The following SHC2 variants were observed in gnomAD, a reference collection of about 807,000 sequenced individuals.
SHC2 encodes SHC-transforming protein 2.
SHC2 carries 62 observed loss-of-function variants against 60.6 expected under a neutral mutation model. The ratio of observed to expected loss-of-function variants is 1.02; its 90% CI spans 0.83 to 1.26. The LOEUF (loss-of-function observed/expected upper bound fraction) is 1.26, where lower values mean the gene tolerates loss of function less well. SHC2 is among the 50% of genes most tolerant of loss of function. The pLI, the probability that SHC2 is intolerant of heterozygous loss-of-function variation, is 0.00. For synonymous variants in SHC2, 375 were observed against 372.4 expected (o/e 1.01, Z -0.08); for missense variants, 873 against 822.2 (o/e 1.06, Z -0.76).
At position 438,533 on chromosome 19, in the gene SHC2, G is replaced by A. The variant is rs894596582; in HGVS notation, c.720+185C>T. On this transcript the variant is annotated intron_variant, in intron 4 of 12. Coordinates refer to ENST00000264554, the MANE Select transcript of SHC2 (RefSeq NM_012435.3). The surrounding 1 kb of genome is among the most constrained non-coding windows in gnomAD (Gnocchi z 5.0). ...ATCAGGACGGCTCGCCCAGGTGGGA[G>A]CCCCTGAGCTGAGCCCCGTGAGGGC... 6.6e-6 allele frequency among the ~76,000 whole-genome samples: 1 copy of A among 152,194 alleles called. No homozygotes were observed. Among genetic ancestry groups the A allele is most frequent in the African/African-American group, 2.4e-5 (1 of 41,440 alleles).
At chr19:435,138 C>T (rs145410757) in intron 7 of SHC2, among the ~76,000 whole-genome samples, 1,685 of 152,374 alleles carry the variant, frequency 0.011, 18 homozygotes, top group African/African-American at 0.026. Context: ...TGCCCACCTC[C>T]GGCCCCGCCC....
Position 424,459 on chromosome 19 carries a change from A to G in SHC2, c.1309+638T>C, listed in dbSNP as rs1391090253. ...AACTCATCAGACTAGGGAGACCCAG[A>G]GTCAGCGTGCAAGACCAGCGGGCCA... is the stretch of plus-strand genomic sequence containing the variant. On this transcript the variant is annotated intron_variant, in intron 10 of 12. Transcript: ENST00000264554. This position sits in a 1 kb window ranked among gnomAD's most constrained non-coding sequence, Gnocchi z 4.5. 4.6e-5 allele frequency among the ~76,000 whole-genome samples: 7 copies of G among 152,120 alleles called. No homozygotes were observed. The highest frequency in any genetic ancestry group is 1.7e-4 in the African/African-American group (7 of 41,428).
At chr19:418,838 C>T in intron 12 of SHC2, 85 bp downstream of exon 12, 2 of 1,454,112 alleles carry the variant, frequency 1.4e-6, no homozygotes, top group Non-Finnish European at 1.8e-6. Context: ...AAAGGCACGG[C>T]ACGTGAACCG....
chr19:430,024 A>C (rs1974535360), intron 9 of SHC2, among the ~76,000 whole-genome samples: 1 of 146,652 alleles, frequency 6.8e-6, no homozygotes, highest in Non-Finnish European at 1.5e-5. Flanking sequence ...TGGATGACGC[A>C]GTACCTATAC....
chr19:426,602 C>T (rs1325773951), intron 9 of SHC2, among the ~76,000 whole-genome samples: 2 of 3,632 alleles, frequency 5.5e-4, no homozygotes, highest in Admixed American at 2.2e-3. Context: ...AGGACGACAC[C>T]GAGAGGGGCA....
intron 1 of SHC2, among the ~76,000 whole-genome samples, chr19:452,344 A>C (rs1214944328): frequency 2.8e-4 from 19 of 68,158 alleles, no homozygotes; most frequent in East Asian, 7.4e-4. Context: ...CGTTTCATTG[A>C]GGTTGGGGCA....
chr19:458,207 C>T lies in SHC2; in HGVS notation c.468+2322G>A, dbSNP rs1309298302. Among the ~76,000 whole-genome samples the T allele has an allele frequency of 7.8e-5, 8 of 102,480 alleles. 1 individual carries two copies. The highest frequency in any genetic ancestry group is 4.3e-4 in the Admixed American group (4 of 9,220). 67.2% of individuals were successfully genotyped at this position (102,480 alleles called of 152,430 possible). A position where few individuals can be genotyped will look rare whatever the true frequency, so the allele number is the denominator to read the frequency against. On this transcript the variant is annotated intron_variant, in intron 1 of 12. Transcript: ENST00000264554. ...TTCCGGGGGACGGGGAAGTGGGTTC[C>T]GGGGAGGCAGACGCGGGTTCCGGCG...
At chr19:421,397 C>CAAAAAAAA (rs10582067) in intron 11 of SHC2, among the ~76,000 whole-genome samples, 3 of 120,128 alleles carry the variant, frequency 2.5e-5, no homozygotes, top group African/African-American at 3.3e-5. Flanking sequence ...GAGACTCCAT[C>CAAAAAAAA]AAAAAAAAAA....
chr19:418,549 G>A (rs188910269), intron 12 of SHC2, among the ~76,000 whole-genome samples: 157 of 152,352 alleles, frequency 1.0e-3, no homozygotes, highest in East Asian at 4.0e-3. Flanking sequence ...GCTCTGGCCC[G>A]GGCCACGGCG....
chr19:420,494 A>G (rs1974242630), intron 11 of SHC2, among the ~76,000 whole-genome samples: 1 of 152,188 alleles, frequency 6.6e-6, no homozygotes, highest in African/African-American at 2.4e-5. Flanking sequence ...GGACGCTCAA[A>G]ACGCTTCATA....
chr19:454,261 T>A (rs1261608742), intron 1 of SHC2, among the ~76,000 whole-genome samples: 1 of 152,178 alleles, frequency 6.6e-6, no homozygotes, highest in Admixed American at 6.5e-5. Flanking sequence ...CACGGACGGT[T>A]CTGCTGGGCA....
chr19:447,361 C>T (rs573433903), intron 1 of SHC2, among the ~76,000 whole-genome samples: 56 of 152,336 alleles, frequency 3.7e-4, no homozygotes, highest in African/African-American at 1.2e-3. Context: ...TTTTGCCTGA[C>T]GGGAGCGTCC....
intron 12 of SHC2, among the ~76,000 whole-genome samples, chr19:417,926 C>T (rs1017188676): frequency 3.3e-5 from 5 of 152,106 alleles, no homozygotes; most frequent in Non-Finnish European, 7.4e-5. Flanking sequence ...TGACCTGGCC[C>T]AGAAGCGCAG....
chr19:426,567 C>T (rs1366071789), intron 9 of SHC2, among the ~76,000 whole-genome samples: 3 of 37,586 alleles, frequency 8.0e-5, no homozygotes, highest in Admixed American at 2.6e-4. Context: ...AGGACGACAC[C>T]GAGAGGGGCA....
intron 9 of SHC2, among the ~76,000 whole-genome samples, chr19:428,788 G>A (rs1974484342): frequency 7.0e-6 from 1 of 142,294 alleles, no homozygotes; most frequent in Non-Finnish European, 1.5e-5. Context: ...AATACTGTGT[G>A]GATGACACAG....
At chr19:450,554 T>A (rs1466183292) in intron 1 of SHC2, among the ~76,000 whole-genome samples, 1 of 152,180 alleles carries the variant, frequency 6.6e-6, no homozygotes, top group Non-Finnish European at 1.5e-5. Context: ...ATCTGATGGC[T>A]CTGGGGACCT....
rs1320885979 is a variant in SHC2 at position 460,998 on chromosome 19, GC to G, written c.-3del. The G allele has an allele frequency of 2.1e-6, 2 of 958,896 alleles. No homozygotes were observed. Among genetic ancestry groups the G allele is most frequent in the African/African-American group, 3.6e-5 (2 of 56,282 alleles). The allele number at this position is 958,896 out of a possible 1,614,324, so 59.4% of individuals were successfully genotyped here. A position where few individuals can be genotyped will look rare whatever the true frequency, so the allele number is the denominator to read the frequency against. Reference sequence around the variant, plus strand: ...GCGCCCGCCCGGACCCTGCGTCATGGCCGCGGCCGCCCGACGGAGCCCGACC... The same window carrying G: ...GCGCCCGCCCGGACCCTGCGTCATGGCGCGGCCGCCCGACGGAGCCCGACC... On this transcript the variant is annotated 5_prime_UTR_variant, in exon 1 of 13. Coordinates refer to ENST00000264554, the MANE Select transcript of SHC2 (RefSeq NM_012435.3).
rs562969576 is a variant in SHC2 at position 438,475 on chromosome 19, C to G, written c.720+243G>C. ...TGCAGGGTGCTGAGCAGCGTCCCTG[C>G]CCCCACCCACTCCATGCCAGGAGCG... On this transcript the variant is annotated intron_variant, in intron 4 of 12. Coordinates refer to ENST00000264554, the MANE Select transcript of SHC2 (RefSeq NM_012435.3). The surrounding 1 kb of genome is among the most constrained non-coding windows in gnomAD (Gnocchi z 5.0). 6.6e-6 allele frequency among the ~76,000 whole-genome samples: 1 copy of G among 152,338 alleles called. No homozygotes were observed. The highest frequency in any genetic ancestry group is 2.1e-4 in the South Asian group (1 of 4,832).
chr19:455,456 CG>C (rs1568298879), intron 1 of SHC2, among the ~76,000 whole-genome samples: 1 of 152,228 alleles, frequency 6.6e-6, no homozygotes, highest in Admixed American at 6.5e-5. Flanking sequence ...GCCTCGGCGC[CG>C]GAGGTACTGC....
Sources: allele counts gnomAD v4.1 joint callset (sites outside exome capture counted in the v4.1 genomes callset), GRCh38; gene constraint gnomAD v4.1.1; non-coding constraint Gnocchi (gnomAD v3.1); transcripts MANE v1.5; gene names NCBI Gene and HGNC (gene_info 2026-07-23, HGNC 2026-07-21).